Variants in NFATC3 observed in about 807,000 individuals in gnomAD.
NFATC3 encodes nuclear factor of activated T cells 3, also known as nuclear factor of activated T-cells, cytoplasmic 3.
In NFATC3, 46 loss-of-function variants were observed where a neutral mutation model predicts 98.6. The ratio of observed to expected loss-of-function variants is 0.47; its 90% confidence interval spans 0.37 to 0.60. The LOEUF (loss-of-function observed/expected upper bound fraction) is 0.60. NFATC3 is among the 20% of genes least tolerant of loss of function. NFATC3 has a pLI of 0.00. For missense variants in NFATC3, 1,256 were observed against 1,295.5 expected (o/e 0.97, Z 0.47); for synonymous variants, 512 against 472.2 (o/e 1.08, Z -1.09).
chr16:68,144,289 G>A (rs1035956894), intron 3 of NFATC3, among the ~76,000 whole-genome samples: 3 of 152,106 alleles, frequency 2.0e-5, no homozygotes, highest in African/African-American at 7.2e-5. Context: ...ACTAACTGTT[G>A]TCAAGGATGC....
At chr16:68,130,859 G>C (rs115917136) in intron 3 of NFATC3, among the ~76,000 whole-genome samples, 50 of 152,086 alleles carry the variant, frequency 3.3e-4, no homozygotes, top group Non-Finnish European at 6.2e-4. Context: ...ATTCTTCTGC[G>C]TGTGGATATC....
At chr16:68,213,432 ATAAAT>A (rs1278881022) in intron 9 of NFATC3, among the ~76,000 whole-genome samples, 2 of 150,108 alleles carry the variant, frequency 1.3e-5, no homozygotes, top group Non-Finnish European at 1.5e-5. Context: ...AAATAAATAA[ATAAAT>A]AAAAATTAAA....
At chr16:68,144,601 T>C (rs1256290588) in intron 3 of NFATC3, among the ~76,000 whole-genome samples, 3 of 152,142 alleles carry the variant, frequency 2.0e-5, no homozygotes, top group Non-Finnish European at 2.9e-5. Flanking sequence ...CACCTTGCCC[T>C]CCTAAAGTGC....
chr16:68,201,766 C>T (rs1483143345), intron 9 of NFATC3, among the ~76,000 whole-genome samples: 1 of 149,914 alleles, frequency 6.7e-6, no homozygotes, highest in Non-Finnish European at 1.5e-5. Context: ...GCCTGGCCAA[C>T]ATGGCAAAAC....
chr16:68,101,370 T>C (rs143058669), intron 1 of NFATC3, among the ~76,000 whole-genome samples: 5 of 152,324 alleles, frequency 3.3e-5, no homozygotes, highest in African/African-American at 1.2e-4. Flanking sequence ...TCTCAAACTG[T>C]AGGGCTCAAG....
chr16:68,107,175 T>G (rs185196896), intron 1 of NFATC3, among the ~76,000 whole-genome samples: 1 of 152,228 alleles, frequency 6.6e-6, no homozygotes. Flanking sequence ...ATTCTATGTC[T>G]TTGCTATTGT....
chr16:68,107,877 G>T (rs912060970), intron 1 of NFATC3, among the ~76,000 whole-genome samples: 1 of 149,916 alleles, frequency 6.7e-6, no homozygotes, highest in Admixed American at 6.6e-5. Context: ...TTTGAGAAAT[G>T]TCTGTTCATG....
chr16:68,174,010 G>A (rs116990236), intron 5 of NFATC3, among the ~76,000 whole-genome samples: 1,896 of 152,190 alleles, frequency 0.012, 16 homozygotes, highest in Non-Finnish European at 0.018. Context: ...AGCTGAGCAT[G>A]GTGTCATGCA....
intron 1 of NFATC3, among the ~76,000 whole-genome samples, chr16:68,118,664 G>A (rs567270407): frequency 3.9e-5 from 6 of 152,092 alleles, no homozygotes; most frequent in East Asian, 1.9e-4. Flanking sequence ...TCATATATAC[G>A]TTAATGATTC....
rs2034312155 is a variant in NFATC3, at chr16:68,085,447, T to C, written c.-235T>C. 2.5e-6 allele frequency: 1 copy of C among 397,924 alleles called. No individual in the cohort carries two copies. Among genetic ancestry groups the C allele is most frequent in the African/African-American group, 2.2e-5 (1 of 46,380 alleles). The allele number at this position is 397,924 out of a possible 1,614,324, so 24.6% of individuals were successfully genotyped here. On this transcript the variant is annotated 5_prime_UTR_variant, in exon 1 of 10. Coordinates refer to ENST00000346183, the MANE Select transcript of NFATC3 (RefSeq NM_173165.3). ...CGGGGAACATTGGCTAAGCCGACAG[T>C]GGAGGCTTAGGCACCGGTGGCGGGC...
chr16:68,199,231 TTA>T, intron 9 of NFATC3, among the ~76,000 whole-genome samples: 1 of 150,816 alleles, frequency 6.6e-6, no homozygotes, highest in Admixed American at 6.6e-5. Flanking sequence ...TTTTTATTTT[TTA>T]TTTTTTTTGA....
chr16:68,118,865 C>T (rs868371068), intron 1 of NFATC3, among the ~76,000 whole-genome samples: 11 of 152,078 alleles, frequency 7.2e-5, no homozygotes, highest in African/African-American at 2.4e-4. Context: ...TTCAGAAATA[C>T]TGTATTGTTG....
chr16:68,123,766 G>A (rs1004484495), intron 2 of NFATC3, among the ~76,000 whole-genome samples: 5 of 151,916 alleles, frequency 3.3e-5, no homozygotes, highest in African/African-American at 9.7e-5. Context: ...TTGGGAGGCC[G>A]TTGAGCCCCA....
At position 68,122,058 on chromosome 16, in the gene NFATC3, C is replaced by G. The variant is rs754485362; in HGVS notation, c.175C>G (p.Pro59Ala). ...VDPPPSTLTT[P>A]LCLPHHGLPS... ...TCCACCTCCATCTACTTTAACCACA[C>G]CACTTTGCTTACCACATCATGGATT... Residue 59 changes from proline to alanine, a missense_variant, in exon 2 of 10, where the codon CCA becomes GCA. This residue lies in a region of NFATC3 where 464 missense variants were observed against 465.7 expected (regional missense o/e 1.00). Coordinates refer to ENST00000346183, the MANE Select transcript of NFATC3 (RefSeq NM_173165.3). 1.2e-6 allele frequency: 2 copies of G among 1,613,804 alleles called. No homozygotes were observed. The highest frequency in any genetic ancestry group is 2.2e-5 in the South Asian group (2 of 91,064).
rs576340783 is a variant in NFATC3 at position 68,191,528 on chromosome 16, A to G, written c.2859A>G (p.Gln953=). 216 of 1,613,888 alleles carry G rather than the reference A, an allele frequency of 1.3e-4. 4 individuals are homozygous for G. The South Asian group carries it at 2.1e-3, about 15-fold the overall frequency. Reference sequence around the variant, plus strand: ...CTCAGCTTCAGCCTATGCCTTACCAATCTCCTAGCTCAGGAACTGCCTCAT... The same window carrying G: ...CTCAGCTTCAGCCTATGCCTTACCAGTCTCCTAGCTCAGGAACTGCCTCAT... ...PSPQLQPMPY[Q]SPSSGTASSP... The change falls in exon 9 of 10, where the codon CAA becomes CAG. Residue 953 remains glutamine (Q), a synonymous_variant. Transcript: ENST00000346183.
intron 1 of NFATC3, among the ~76,000 whole-genome samples, chr16:68,111,892 G>C (rs149841427): frequency 6.6e-6 from 1 of 152,124 alleles, no homozygotes; most frequent in Non-Finnish European, 1.5e-5. Context: ...AGCTTAATTT[G>C]TCCGGATATG....
At chr16:68,170,623 G>T (rs1305809122) in intron 5 of NFATC3, among the ~76,000 whole-genome samples, 2 of 151,084 alleles carry the variant, frequency 1.3e-5, no homozygotes, top group Non-Finnish European at 2.9e-5. Context: ...CTCCCAAGTA[G>T]CTGGGATTAC....
chr16:68,105,167 T>C (rs1039440035), intron 1 of NFATC3, among the ~76,000 whole-genome samples: 1 of 150,206 alleles, frequency 6.7e-6, no homozygotes, highest in African/African-American at 2.5e-5. Context: ...CTTGGCTTAC[T>C]GCAGTCTTCA....
chr16:68,153,077 G>A (rs1190355423), intron 3 of NFATC3, among the ~76,000 whole-genome samples: 1 of 152,234 alleles, frequency 6.6e-6, no homozygotes, highest in African/African-American at 2.4e-5. Context: ...TTGAGGCACA[G>A]TGGACTGTGT....
Sources: allele counts gnomAD v4.1 joint callset (sites outside exome capture counted in the v4.1 genomes callset), GRCh38; gene constraint gnomAD v4.1.1; regional missense constraint gnomAD v4.1.1; transcripts MANE v1.5; gene names NCBI Gene and HGNC (gene_info 2026-07-23, HGNC 2026-07-21).